The following KANSL3 variants were observed in gnomAD, a reference collection of about 807,000 sequenced individuals.
The protein encoded by KANSL3 is NSL complex protein NSL3.
KANSL3 carries 16 observed loss-of-function variants against 89.2 expected under a neutral mutation model. The observed-to-expected ratio is 0.18, with a 90% CI of 0.12 to 0.27. The LOEUF (loss-of-function observed/expected upper bound fraction) is 0.27. Ranked by LOEUF, KANSL3 falls within the 10% of genes least tolerant of loss-of-function variation. The probability of loss-of-function intolerance (pLI) is 1.00; values close to 1 mark genes in which losing one functional copy is unlikely to be tolerated. For missense variants in KANSL3, 879 were observed against 1,110.6 expected (o/e 0.79, Z 2.96); for synonymous variants, 385 against 419.7 (o/e 0.92, Z 1.01).
downstream of KANSL3, among the ~76,000 whole-genome samples, chr2:96,588,972 G>GTT (rs1351169187): frequency 6.6e-6 from 1 of 152,168 alleles, no homozygotes; most frequent in African/African-American, 2.4e-5. Context: ...TACATAGATA[G>GTT]TTATACTAGA....
chr2:96,613,542 G>A lies in KANSL3; in HGVS notation c.741C>T (p.Leu247=). Reference sequence around the variant, plus strand: ...CAGGGTCCCAGGGCCTCTTCAGTAGGAGAGACAAGGCCTCAGCTCCTGCAG... The same window carrying A: ...CAGGGTCCCAGGGCCTCTTCAGTAGAAGAGACAAGGCCTCAGCTCCTGCAG... ...TGAAGAEALS[L]LLKRPWDPAV... is the part of the protein sequence containing the mutation. The change falls in exon 6 of 21, where the codon CTC becomes CTT. Residue 247 remains leucine (L), a synonymous_variant. Coordinates refer to ENST00000431828, the MANE Select transcript of KANSL3 (RefSeq NM_001115016.3). 1.2e-6 allele frequency: 2 copies of A among 1,613,460 alleles called. No individual in the cohort carries two copies. Among genetic ancestry groups the A allele is most frequent in the Non-Finnish European group, 1.7e-6 (2 of 1,179,622 alleles).
chr2:96,620,728 C>T (rs768661087), intron 3 of KANSL3, among the ~76,000 whole-genome samples: 4 of 152,138 alleles, frequency 2.6e-5, no homozygotes, highest in Non-Finnish European at 4.4e-5. Context: ...GGTGGCCAGG[C>T]GCAGTGCTTC....
At chr2:96,615,949 G>C (rs1220652703) in intron 5 of KANSL3, among the ~76,000 whole-genome samples, 1 of 152,172 alleles carries the variant, frequency 6.6e-6, no homozygotes, top group South Asian at 2.1e-4. Context: ...ACCACCCAAT[G>C]GAGAAGAAGT....
chr2:96,617,982 CAAAAA>C (rs540064575), intron 5 of KANSL3, among the ~76,000 whole-genome samples: 1 of 71,808 alleles, frequency 1.4e-5, no homozygotes, highest in South Asian at 4.4e-4. Context: ...GACTTTGTCT[CAAAAA>C]AAAAAAAAAA....
At chr2:96,614,829 C>T (rs1221691431) in intron 5 of KANSL3, among the ~76,000 whole-genome samples, 1 of 150,418 alleles carries the variant, frequency 6.6e-6, no homozygotes, top group African/African-American at 2.4e-5. Flanking sequence ...ATCTCTACTC[C>T]CCTAATGCTA....
rs779240682 is a variant in KANSL3, at chr2:96,602,832, C to G, written c.2180G>C (p.Gly727Ala). The G allele has an allele frequency of 6.2e-7, 1 of 1,613,752 alleles. No individual in the cohort carries two copies. The highest frequency in any genetic ancestry group is 8.5e-7 in the Non-Finnish European group (1 of 1,179,774). ...GATSASSLLQGLSFSLQDISS... is the reference protein window; with the variant it reads ...GATSASSLLQALSFSLQDISS... ...GATATCCTGCAAGCTGAAGCTGAGGCCTTGGAGGAGGCTGCTGGCTGATGT... is the reference window on the plus strand; with the variant it reads ...GATATCCTGCAAGCTGAAGCTGAGGGCTTGGAGGAGGCTGCTGGCTGATGT... The change falls in exon 18 of 21, where the codon GGC (glycine) becomes GCC (alanine). Residue 727 changes from glycine (G) to alanine (A), a missense_variant. Gly to Ala is a moderately conservative substitution (Grantham distance 60, BLOSUM62 0). Coordinates refer to ENST00000431828, the MANE Select transcript of KANSL3 (RefSeq NM_001115016.3).
intron 15 of KANSL3, 85 bp from the exon 16 acceptor site, chr2:96,604,948 G>A: frequency 9.1e-7 from 1 of 1,094,836 alleles, no homozygotes; most frequent in Non-Finnish European, 1.3e-6. Context: ...CTAAATGCAA[G>A]ATATTACGGA....
Position 96,612,082 on chromosome 2 carries a change from C to A in KANSL3, c.1086+200G>T, listed in dbSNP as rs1189830077. ...GGATCCGGGGGTTTATTATACTACACCTGCTTTTGTTTCTGCTTAAAGTTT... is the reference window on the plus strand; with the variant it reads ...GGATCCGGGGGTTTATTATACTACAACTGCTTTTGTTTCTGCTTAAAGTTT... On this transcript the variant is annotated intron_variant, in intron 9 of 20. Transcript: ENST00000431828. 9 of 563,490 alleles carry A rather than the reference C, an allele frequency of 1.6e-5. No homozygotes were observed. The East Asian group carries it at 2.7e-4, about 17-fold the overall frequency. The allele number at this position is 563,490 out of a possible 1,614,324, so 34.9% of individuals were successfully genotyped here.
intron 11 of KANSL3, 76 bp downstream of exon 11, chr2:96,610,650 G>T (rs1573410325): frequency 1.3e-6 from 2 of 1,546,350 alleles, no homozygotes; most frequent in East Asian, 2.3e-5. Context: ...CTGGTCTGTA[G>T]TTACATTGCC....
At chr2:96,608,085 A>C (rs1573378577) in intron 14 of KANSL3, among the ~76,000 whole-genome samples, 1 of 152,342 alleles carries the variant, frequency 6.6e-6, no homozygotes, top group South Asian at 2.1e-4. Flanking sequence ...CTTCACTGAA[A>C]GTCTCAGTGT....
intron 5 of KANSL3, among the ~76,000 whole-genome samples, chr2:96,619,056 G>A (rs746062535): frequency 1.1e-4 from 17 of 152,062 alleles, no homozygotes; most frequent in East Asian, 5.8e-4. Context: ...TAAACCCTTC[G>A]TCTCCTTCAT....
chr2:96,601,674 G>T lies in KANSL3; in HGVS notation c.2585C>A (p.Ser862Tyr). 1 of 1,613,584 alleles carries T rather than the reference G, an allele frequency of 6.2e-7. No individual in the cohort carries two copies. The highest frequency in any genetic ancestry group is 8.5e-7 in the Non-Finnish European group (1 of 1,179,706). Residue 862 changes from serine (S) to tyrosine (Y), a missense_variant, in exon 20 of 21, where the codon TCC becomes TAC. Coordinates refer to ENST00000431828, the MANE Select transcript of KANSL3 (RefSeq NM_001115016.3). ...GCTGGAGGGCAGCACCTGGGAAGAG[G>T]ACTCCTCGGATGGGGCTGCTCCTGA... is the stretch of plus-strand genomic sequence containing the variant. Reference protein sequence around the residue: ...MGSGAAPSEESSSQVLPSSSQ... With the variant: ...MGSGAAPSEEYSSQVLPSSSQ...
chr2:96,603,184 T>G (rs981955330), intron 17 of KANSL3: 1 of 234,578 alleles, frequency 4.3e-6, no homozygotes, highest in South Asian at 1.1e-4. Context: ...CCAAAAGAAT[T>G]ATAAATATCC....
At chr2:96,625,604 T>C (rs1245184516) in intron 3 of KANSL3, among the ~76,000 whole-genome samples, 1 of 152,210 alleles carries the variant, frequency 6.6e-6, no homozygotes, top group Non-Finnish European at 1.5e-5. Flanking sequence ...GAATGCAAGA[T>C]GCAGAGGGTT....
At chr2:96,581,553 C>A in the KANSL3 span, among the ~76,000 whole-genome samples, 3 of 152,028 alleles carry the variant, frequency 2.0e-5, no homozygotes, top group Non-Finnish European at 4.4e-5. Context: ...ACGAGTGCTT[C>A]AACATGCTGC....
intron 15 of KANSL3, among the ~76,000 whole-genome samples, 188 bp from the exon 16 acceptor site, chr2:96,605,051 T>G (rs1372908661): frequency 2.6e-5 from 4 of 152,220 alleles, no homozygotes; most frequent in Admixed American, 1.3e-4. Context: ...CCTGAAATAT[T>G]CTGTACCTTT....
Position 96,604,825 on chromosome 2 carries a change from C to G in KANSL3, c.1972G>C (p.Ala658Pro), listed in dbSNP as rs931733702. 6.2e-6 allele frequency: 10 copies of G among 1,600,414 alleles called. No individual in the cohort carries two copies. Among genetic ancestry groups the G allele is most frequent in the African/African-American group, 5.4e-5 (4 of 74,666 alleles). Residue 658 changes from alanine (A) to proline (P), a missense_variant, in exon 16 of 21, where the codon GCT (alanine) becomes CCT (proline). By Grantham distance (27) the Ala-to-Pro change is conservative. This residue lies in a region of KANSL3 where 317 missense variants were observed against 311.2 expected (regional missense o/e 1.02). Coordinates refer to ENST00000431828, the MANE Select transcript of KANSL3 (RefSeq NM_001115016.3). The part of the protein sequence containing the change: ...GKPITMTLGQ[A>P]SAGAKELTGL... The stretch of plus-strand genomic sequence containing the variant: ...GTGAGCTCCTTGGCCCCTGCTGAAG[C>G]CTGCCCCAGTGTCATGGTGATGGGC...
chr2:96,618,145 A>C (rs1228450845), intron 5 of KANSL3, among the ~76,000 whole-genome samples: 2 of 151,474 alleles, frequency 1.3e-5, no homozygotes, highest in African/African-American at 4.8e-5. Context: ...GTGAGAGAGG[A>C]AGATCCTGTC....
chr2:96,609,013 T>C lies in KANSL3; in HGVS notation c.1435A>G (p.Met479Val), dbSNP rs1325207502. The C allele has an allele frequency of 7.0e-6, 11 of 1,565,966 alleles. No homozygotes were observed. Among genetic ancestry groups the C allele is most frequent in the African/African-American group, 6.8e-5 (5 of 73,854 alleles). ...TGVLTRAEGH[M>V]GSEPRDQDAE... is the part of the protein sequence containing the mutation. The stretch of plus-strand genomic sequence containing the variant: ...TCCTGATCCCGAGGTTCAGAGCCCA[T>C]GTGACCCTCAGCACGAGTGAGCACT... Residue 479 changes from methionine (M) to valine (V), a missense_variant, in exon 13 of 21, where the codon ATG (methionine) becomes GTG (valine). Around this residue, in one of 6 missense-constraint regions of KANSL3, gnomAD observed 317 missense variants for 311.2 expected, o/e 1.02. Coordinates refer to ENST00000431828, the MANE Select transcript of KANSL3 (RefSeq NM_001115016.3).
Sources: gnomAD v4.1 joint callset for allele counts (sites outside exome capture counted in the v4.1 genomes callset) on GRCh38, gnomAD v4.1.1 for gene constraint, gnomAD v4.1.1 regional missense constraint, MANE v1.5 for transcripts, NCBI Gene and HGNC (gene_info 2026-07-23, HGNC 2026-07-21) for gene names.